The following MUC5B variants were observed in gnomAD, a reference collection of about 807,000 sequenced individuals.
MUC5B encodes the protein mucin-5B.
Under a neutral mutation model 376.9 loss-of-function variants are expected in MUC5B, and 116 were observed. That is an observed-to-expected ratio of 0.31 (90% CI 0.26 to 0.36). The LOEUF is 0.36. MUC5B is among the 10% of genes least tolerant of loss of function. The probability of loss-of-function intolerance (pLI) is 1.00; values close to 1 mark genes in which losing one functional copy is unlikely to be tolerated. For missense variants in MUC5B, 7,165 were observed against 7,769.9 expected (o/e 0.92, Z 2.93); for synonymous variants, 3,517 against 3,390.9 (o/e 1.04, Z -1.29).
Position 1,239,559 on chromosome 11 carries a change from C to T in MUC5B, c.3576C>T (p.Gly1192=), listed in dbSNP as rs542415547. The part of the protein sequence containing the change: ...PSGHCLVDLP[G]LEGCYPKCPP... ...GGCACTGCCTGGTGGACCTGCCTGG[C>T]CTGGAAGGTGAGGGGCAGCCTTTCT... The change falls in exon 27 of 49, where the codon GGC becomes GGT. Residue 1192 remains glycine, a synonymous_variant. Coordinates refer to ENST00000529681, the MANE Select transcript of MUC5B (RefSeq NM_002458.3). 1.3e-6 allele frequency: 2 copies of T among 1,572,468 alleles called. No homozygotes were observed. Among genetic ancestry groups the T allele is most frequent in the Non-Finnish European group, 1.7e-6 (2 of 1,155,366 alleles).
At position 1,257,350 on chromosome 11, in the gene MUC5B, A is replaced by C. The variant is rs1862866624; in HGVS notation, c.16269+79A>C. 2.4e-6 allele frequency: 2 copies of C among 827,456 alleles called. No homozygotes were observed. The highest frequency in any genetic ancestry group is 4.3e-6 in the Non-Finnish European group (2 of 466,410). The allele number at this position is 827,456 out of a possible 1,614,324, so 51.3% of individuals were successfully genotyped here. A position where few individuals can be genotyped will look rare whatever the true frequency, so the allele number is the denominator to read the frequency against. ...GGGAGGGAAGGAGCATCCCCATCCC[A>C]CAGGGCAGCTGTGGGGCGCCCGAGT... On this transcript the variant is annotated intron_variant, in intron 40 of 48. Coordinates refer to ENST00000529681, the MANE Select transcript of MUC5B (RefSeq NM_002458.3). The surrounding 1 kb of genome is among the most constrained non-coding windows in gnomAD (Gnocchi z 8.9).
At chr11:1,226,078 G>GC in intron 2 of MUC5B, 127 bp from the exon 3 acceptor site, 1 of 934,200 alleles carries the variant, frequency 1.1e-6, no homozygotes, top group Non-Finnish European at 1.6e-6. Context: ...GGCTGCCTTG[G>GC]CCCCAGCCCA....
At chr11:1,251,836 G>A in intron 31 of MUC5B, 93 bp downstream of exon 31, 3 of 936,196 alleles carry the variant, frequency 3.2e-6, no homozygotes, top group South Asian at 3.3e-5. Flanking sequence ...CTTTCTCCCT[G>A]CTGGTCATGT....
chr11:1,240,841 C>A lies in MUC5B; in HGVS notation c.3971-10C>A. 3 of 1,599,180 alleles carry A rather than the reference C, an allele frequency of 1.9e-6. No homozygotes were observed. Among genetic ancestry groups the A allele is most frequent in the Non-Finnish European group, 2.6e-6 (3 of 1,173,224 alleles). Reference sequence around the variant, plus strand: ...GCTGAGCCAGGACCCCTTTCCCATGCCCCTTGCAGGCCCGGCCCTCCCGGT... The same window carrying A: ...GCTGAGCCAGGACCCCTTTCCCATGACCCTTGCAGGCCCGGCCCTCCCGGT... On this transcript the variant is annotated splice_polypyrimidine_tract_variant and intron_variant, in intron 30 of 48. Coordinates refer to ENST00000529681, the MANE Select transcript of MUC5B (RefSeq NM_002458.3).
At position 1,249,608 on chromosome 11, in the gene MUC5B, C is replaced by T; in HGVS notation, c.12728C>T (p.Thr4243Ile). 6.2e-7 allele frequency: 1 copy of T among 1,611,930 alleles called. No individual in the cohort carries two copies. Among genetic ancestry groups the T allele is most frequent in the Admixed American group, 1.7e-5 (1 of 59,994 alleles). Residue 4243 changes from threonine to isoleucine, a missense_variant, in exon 31 of 49, where the codon ACT (threonine) becomes ATT (isoleucine). Thr to Ile is a moderately conservative substitution (Grantham distance 89). This residue lies in a region of MUC5B where 431 missense variants were observed against 390.4 expected (regional missense o/e 1.10). Transcript: ENST00000529681. ...AGCTCTACGGCCATGCCCTCCTCCA[C>T]TCCGGGGACGACCTGGATCCTCACA... is the stretch of plus-strand genomic sequence containing the variant. ...ATSSTAMPSS[T>I]PGTTWILTEL...
intron 18 of MUC5B, 61 bp downstream of exon 18, chr11:1,233,329 C>T (rs1453187129): frequency 6.2e-6 from 9 of 1,448,656 alleles, no homozygotes; most frequent in Non-Finnish European, 8.2e-6. Context: ...TCCCGCCCTC[C>T]CCGAAGGCTT....
Position 1,260,341 on chromosome 11 carries a change from C to T in MUC5B, c.16924-10C>T. 1 of 1,612,236 alleles carries T rather than the reference C, an allele frequency of 6.2e-7. No homozygotes were observed. Among genetic ancestry groups the T allele is most frequent in the Non-Finnish European group, 8.5e-7 (1 of 1,179,582 alleles). ...CCACAGCCCTGCCCCCTGTCTTTGGCCCCCACCAGGGGAGCCTCAGGAAAA... is the reference window on the plus strand; with the variant it reads ...CCACAGCCCTGCCCCCTGTCTTTGGTCCCCACCAGGGGAGCCTCAGGAAAA... On this transcript the variant is annotated splice_polypyrimidine_tract_variant and intron_variant, in intron 46 of 48. Coordinates refer to ENST00000529681, the MANE Select transcript of MUC5B (RefSeq NM_002458.3).
chr11:1,254,140 C>T lies in MUC5B; in HGVS notation c.15266C>T (p.Thr5089Ile). 7 of 1,612,928 alleles carry T rather than the reference C, an allele frequency of 4.3e-6. No individual in the cohort carries two copies. The highest frequency in any genetic ancestry group is 5.9e-6 in the Non-Finnish European group (7 of 1,179,838). ...TCCCACTATTCCACCTTTGACGGCA[C>T]CTCTTACACCTTCCGGGGCAACTGC... is the stretch of plus-strand genomic sequence containing the variant. ...GGSHYSTFDG[T>I]SYTFRGNCTY... The change falls in exon 34 of 49, where the codon ACC becomes ATC. Residue 5089 changes from threonine (T) to isoleucine (I), a missense_variant. Thr to Ile is a moderately conservative substitution (Grantham distance 89, BLOSUM62 -1). This residue lies in a region of MUC5B where 842 missense variants were observed against 1,016.9 expected (regional missense o/e 0.83). Transcript: ENST00000529681.
Position 1,255,085 on chromosome 11 carries a change from G to T in MUC5B, c.15709G>T (p.Gly5237Ter). Reference sequence around the variant, plus strand: ...GAGGGACGACTGTCTCCAGCGGGACGGAACCACTGCCGCCAGTTGCAAGGA... The same window carrying T: ...GAGGGACGACTGTCTCCAGCGGGACTGAACCACTGCCGCCAGTTGCAAGGA... ...NQRDDCLQRD[G>*]TTAASCKDMA... The change falls in exon 36 of 49, where the codon GGA becomes TGA. Residue 5237 changes from glycine (G) to a stop codon, truncating the protein, a stop_gained. Coordinates refer to ENST00000529681, the MANE Select transcript of MUC5B (RefSeq NM_002458.3). LOFTEE classifies it high-confidence loss of function. 1 of 1,595,326 alleles carries T rather than the reference G, an allele frequency of 6.3e-7. No homozygotes were observed. The highest frequency in any genetic ancestry group is 2.3e-5 in the East Asian group (1 of 43,686).
chr11:1,237,023 G>A lies in MUC5B; in HGVS notation c.3156G>A (p.Gly1052=). The stretch of plus-strand genomic sequence containing the variant: ...TGGTGGGGGACGCACTGGAGTTTGG[G>A]AACAGCTGGAAGCTCTCCCCCTCCT... The part of the protein sequence containing the change: ...RSVVGDALEF[G]NSWKLSPSCP... The change falls in exon 25 of 49, where the codon GGG becomes GGA. Residue 1052 remains glycine, a synonymous_variant. Transcript: ENST00000529681. 2 of 1,576,836 alleles carry A rather than the reference G, an allele frequency of 1.3e-6. No individual in the cohort carries two copies. Among genetic ancestry groups the A allele is most frequent in the South Asian group, 1.2e-5 (1 of 85,816 alleles).
intron 44 of MUC5B, 32 bp from the exon 45 acceptor site, chr11:1,259,724 G>T (rs1862946686): frequency 6.2e-7 from 1 of 1,606,536 alleles, no homozygotes; most frequent in African/African-American, 1.3e-5. Flanking sequence ...GGAGGAGAGG[G>T]TTAGGGCCTG....
rs1486119339 is a variant in MUC5B at position 1,246,362 on chromosome 11, C to A, written c.9482C>A (p.Thr3161Asn). ...TATPSSTPGTTWILTEPSTTA... is the reference protein window; with the variant it reads ...TATPSSTPGTNWILTEPSTTA... ...ACCCCGTCCTCCACCCCAGGGACCA[C>A]CTGGATCCTCACAGAGCCCAGCACT... The change falls in exon 31 of 49, where the codon ACC becomes AAC. Residue 3161 changes from threonine to asparagine, a missense_variant. Thr to Asn is a moderately conservative substitution (Grantham distance 65). Coordinates refer to ENST00000529681, the MANE Select transcript of MUC5B (RefSeq NM_002458.3). 6 of 1,613,314 alleles carry A rather than the reference C, an allele frequency of 3.7e-6. No homozygotes were observed. Among genetic ancestry groups the A allele is most frequent in the African/African-American group, 2.7e-5 (2 of 74,846 alleles).
In MUC5B at chr11:1,228,641, G is replaced by A; in HGVS notation, c.852G>A (p.Leu284=). 1 of 1,534,290 alleles carries A rather than the reference G, an allele frequency of 6.5e-7. No homozygotes were observed. The highest frequency in any genetic ancestry group is 2.4e-5 in the East Asian group (1 of 40,892). The part of the protein sequence containing the change: ...CHALVDSTAY[L]AACAQDLCRC... ...CACTGGTGGACAGCACTGCGTACCT[G>A]GCCGCCTGCGCCCAGGACCTGTGCC... The change falls in exon 8 of 49, where the codon CTG becomes CTA. Residue 284 remains leucine, a synonymous_variant. Transcript: ENST00000529681.
intron 22 of MUC5B, 25 bp downstream of exon 22, chr11:1,235,248 T>TGCAGGCCGGGCACACTCCAGCCC (rs1410508245): frequency 1.2e-6 from 2 of 1,611,376 alleles, no homozygotes; most frequent in Non-Finnish European, 1.7e-6. Flanking sequence ...CGCCCACTCC[T>TGCAGGCCGGGCACACTCCAGCCC]GCAGGCCGGG....
chr11:1,244,358 C>A lies in MUC5B; in HGVS notation c.7478C>A (p.Thr2493Asn). The stretch of plus-strand genomic sequence containing the variant: ...TCCTCCACCCAGGCAACTGCTGGCA[C>A]CCCACATGTGAGCACCACGGCCACG... Reference protein sequence around the residue: ...TASSTQATAGTPHVSTTATTP... With the variant: ...TASSTQATAGNPHVSTTATTP... Residue 2493 changes from threonine (T) to asparagine (N), a missense_variant, in exon 31 of 49, where the codon ACC becomes AAC. Physicochemically the swap from Thr to Asn is moderately conservative, Grantham distance 65. Transcript: ENST00000529681. 1.3e-6 allele frequency: 2 copies of A among 1,597,912 alleles called. No homozygotes were observed. The highest frequency in any genetic ancestry group is 1.7e-6 in the Non-Finnish European group (2 of 1,169,400).
At position 1,258,005 on chromosome 11, in the gene MUC5B, C is replaced by T; in HGVS notation, c.16451-94C>T. ...CCAGGGGCTGTGAAGCGGTCAGGTC[C>T]TCGGGGAAAAGCACGCCTGCGACTT... On this transcript the variant is annotated intron_variant, in intron 41 of 48. Transcript: ENST00000529681. This position sits in a 1 kb window ranked among gnomAD's most constrained non-coding sequence, Gnocchi z 5.5. 1 of 1,300,258 alleles carries T rather than the reference C, an allele frequency of 7.7e-7. No homozygotes were observed. Among genetic ancestry groups the T allele is most frequent in the Non-Finnish European group, 1.1e-6 (1 of 932,698 alleles). The allele number at this position is 1,300,258 out of a possible 1,614,324, so 80.5% of individuals were successfully genotyped here.
rs962162568 is a variant in MUC5B at position 1,230,044 on chromosome 11, G to A, written c.1260G>A (p.Pro420=). ...GGCTATGGCAGTGCCAGGACCTGCC[G>A]TGCCCTGGCACCTGCTCTGTGCAGG... The part of the protein sequence containing the change: ...SGGLWQCQDL[P]CPGTCSVQGG... The change falls in exon 11 of 49, where the codon CCG becomes CCA. Residue 420 remains proline, a synonymous_variant. Transcript: ENST00000529681. 2.5e-6 allele frequency: 4 copies of A among 1,609,830 alleles called. No individual in the cohort carries two copies. The highest frequency in any genetic ancestry group is 1.7e-4 in the Middle Eastern group (1 of 6,046).
Position 1,258,960 on chromosome 11 carries a change from G to T in MUC5B, c.16612G>T (p.Gly5538Cys). Residue 5538 changes from glycine (G) to cysteine (C), a missense_variant, in exon 44 of 49, where the codon GGC becomes TGC. Coordinates refer to ENST00000529681, the MANE Select transcript of MUC5B (RefSeq NM_002458.3). This position sits in a 1 kb window ranked among gnomAD's most constrained non-coding sequence, Gnocchi z 5.5. Reference protein sequence around the residue: ...TFYGVGATFPGALPCHMCTCL... With the variant: ...TFYGVGATFPCALPCHMCTCL... Reference sequence around the variant, plus strand: ...CTTGCAGGTTGGTGCAACCTTCCCAGGCGCCCTTCCCTGCCACATGTGTAC... The same window carrying T: ...CTTGCAGGTTGGTGCAACCTTCCCATGCGCCCTTCCCTGCCACATGTGTAC... 6.4e-7 allele frequency: 1 copy of T among 1,552,090 alleles called. No individual in the cohort carries two copies. The highest frequency in any genetic ancestry group is 2.0e-5 in the Admixed American group (1 of 51,208).
chr11:1,246,508 G>T lies in MUC5B; in HGVS notation c.9628G>T (p.Ala3210Ser), dbSNP rs1292643550. 1.2e-6 allele frequency: 2 copies of T among 1,613,034 alleles called. No individual in the cohort carries two copies. Among genetic ancestry groups the T allele is most frequent in the Admixed American group, 1.7e-5 (1 of 59,960 alleles). Residue 3210 changes from alanine to serine, a missense_variant, in exon 31 of 49, where the codon GCC becomes TCC. Ala to Ser is a moderately conservative substitution (Grantham distance 99, BLOSUM62 1). Transcript: ENST00000529681. ...CACACCCACAGTCATCAGCTCCAGA[G>T]CCACTCCCTCCTCCAGTCCAGGGAC... The part of the protein sequence containing the change: ...ATTPTVISSR[A>S]TPSSSPGTAT...
Sources: allele counts gnomAD v4.1 joint callset, GRCh38; gene constraint gnomAD v4.1.1; regional missense constraint gnomAD v4.1.1; non-coding constraint Gnocchi (gnomAD v3.1); transcripts MANE v1.5; gene names NCBI Gene and HGNC (gene_info 2026-07-23, HGNC 2026-07-21).